The following RSRP1 variants were observed in gnomAD, a reference collection of about 807,000 sequenced individuals.
RSRP1 encodes arginine/serine-rich protein 1.
RSRP1 carries 37 observed loss-of-function variants against 33.0 expected under a neutral mutation model. That is an observed-to-expected ratio of 1.12 (90% CI 0.86 to 1.48). The LOEUF (loss-of-function observed/expected upper bound fraction) is 1.48, where lower values mean the gene tolerates loss of function less well. RSRP1 is among the 40% of genes most tolerant of loss of function. The probability of loss-of-function intolerance (pLI) is 0.00; values close to 1 mark genes in which losing one functional copy is unlikely to be tolerated. For missense variants in RSRP1, 402 were observed against 385.3 expected (o/e 1.04, Z -0.36); for synonymous variants, 167 against 158.7 (o/e 1.05, Z -0.40).
intron 1 of RSRP1, among the ~76,000 whole-genome samples, chr1:25,259,735 G>A (rs1414899761): frequency 2.0e-5 from 3 of 150,308 alleles, no homozygotes; most frequent in African/African-American, 4.9e-5. Context: ...GGATCTCTTG[G>A]CCTCATGATC....
At chr1:25,331,543 C>T (rs1274238159) in intron 1 of RSRP1, among the ~76,000 whole-genome samples, 1 of 121,442 alleles carries the variant, frequency 8.2e-6, no homozygotes, top group East Asian at 2.1e-4. Flanking sequence ...ATCACAAAGA[C>T]TTTGCTCTGA....
At chr1:25,242,866 A>T (rs1455910393) in intron 4 of RSRP1, among the ~76,000 whole-genome samples, 161 bp from the exon 5 acceptor site, 1 of 152,186 alleles carries the variant, frequency 6.6e-6, no homozygotes, top group Non-Finnish European at 1.5e-5. Context: ...GAAGGCTGAC[A>T]CGGGCGGATC....
intron 1 of RSRP1, 42 bp from the exon 2 acceptor site, chr1:25,247,071 C>T: frequency 8.1e-7 from 1 of 1,240,594 alleles, no homozygotes; most frequent in Non-Finnish European, 1.1e-6. Context: ...GTCGCGGAAG[C>T]CGGCGCCTGG....
At position 25,300,349 on chromosome 1, in the gene RSRP1, A is replaced by G. The variant is rs1643288506; in HGVS notation, c.-67+37629T>C. Among the ~76,000 whole-genome samples the G allele has an allele frequency of 2.3e-5, 3 of 130,232 alleles. No homozygotes were observed. The South Asian group carries it at 7.0e-4, about 31-fold the overall frequency. 85.4% of individuals were successfully genotyped at this position (130,232 alleles called of 152,430 possible). On this transcript the variant is annotated intron_variant, in intron 1 of 1. Transcript: ENST00000561867. ...CAACATAGCAAGATTCCATCTTTAC[A>G]CAAAATTTAAAAATTGGCCAGGCAT...
chr1:25,269,003 G>C (rs1640414037), intron 1 of RSRP1, among the ~76,000 whole-genome samples: 1 of 130,136 alleles, frequency 7.7e-6, no homozygotes, highest in Non-Finnish European at 1.8e-5. Context: ...GAAGGGGATG[G>C]TGGAGGATCC....
rs533248785 is a variant in RSRP1, at chr1:25,301,835, T to A, written c.-67+36143A>T. ...CCTGCCTCTACAGTGGAGCTCTAGGTAGAATGCTGGGTGGTCACAGTGGGC... is the reference window on the plus strand; with the variant it reads ...CCTGCCTCTACAGTGGAGCTCTAGGAAGAATGCTGGGTGGTCACAGTGGGC... On this transcript the variant is annotated intron_variant, in intron 1 of 1. Coordinates refer to the RSRP1 transcript ENST00000561867. The A allele has an allele frequency of 2.6e-3, 1,801 of 695,830 alleles. 216 individuals carry two copies. The highest frequency in any genetic ancestry group is 0.014 in the East Asian group (545 of 39,276). 43.1% of individuals were successfully genotyped at this position (695,830 alleles called of 1,614,324 possible). A position where few individuals can be genotyped will look rare whatever the true frequency, so the allele number is the denominator to read the frequency against.
rs984849459 is a variant in RSRP1, at chr1:25,242,722, T to G, written c.757-17A>C. Reference sequence around the variant, plus strand: ...TACAGAATTCTGTAAAAGAACAAATTCAGTCAGCTTCCCAAACATACATTG... The same window carrying G: ...TACAGAATTCTGTAAAAGAACAAATGCAGTCAGCTTCCCAAACATACATTG... On this transcript the variant is annotated splice_polypyrimidine_tract_variant and intron_variant, in intron 4 of 4. Transcript: ENST00000243189. 6.7e-7 allele frequency: 1 copy of G among 1,501,384 alleles called. No individual in the cohort carries two copies. The allele number at this position is 1,501,384 out of a possible 1,614,324, so 93.0% of individuals were successfully genotyped here.
intron 1 of RSRP1, among the ~76,000 whole-genome samples, chr1:25,255,351 A>G (rs1377160985): frequency 4.6e-5 from 7 of 152,174 alleles, no homozygotes; most frequent in Non-Finnish European, 7.3e-5. Context: ...TCAACAACCA[A>G]ATGATCACAG....
At position 25,301,272 on chromosome 1, in the gene RSRP1, T is replaced by G. The variant is rs561921450; in HGVS notation, c.-67+36706A>C. ...AATTCATACCTTTGAATTAAGCACT[T>G]CACAGAGCAGGTTCAGGAGGCCTGG... On this transcript the variant is annotated intron_variant, in intron 1 of 1. Coordinates refer to the RSRP1 transcript ENST00000561867. 7.7e-4 allele frequency among the ~76,000 whole-genome samples: 101 copies of G among 131,482 alleles called. 17 individuals are homozygous for G. Among genetic ancestry groups the G allele is most frequent in the African/African-American group, 2.5e-3 (97 of 38,224 alleles). 86.3% of individuals were successfully genotyped at this position (131,482 alleles called of 152,430 possible).
intron 1 of RSRP1, chr1:25,307,925 C>T: frequency 1.1e-6 from 1 of 898,402 alleles, no homozygotes; most frequent in Non-Finnish European, 1.7e-6. Flanking sequence ...CTGTGCAATT[C>T]TAAGCAGAAC....
chr1:25,244,072 A>T (rs201826212), intron 3 of RSRP1: 2 of 651,002 alleles, frequency 3.1e-6, no homozygotes, highest in Non-Finnish European at 3.9e-6. Context: ...TTTTTTTTTT[A>T]AGCCCCCGAG....
Position 25,283,489 on chromosome 1 carries a change from C to T in RSRP1, c.-66-36460G>A, listed in dbSNP as rs527342796. On this transcript the variant is annotated intron_variant, in intron 1 of 1. Coordinates refer to the RSRP1 transcript ENST00000561867. ...GAGGTTGCAGTGAGCCAAGATCTTG[C>T]CACTGTACTCCAGCCTGGGTGACGA... 3.8e-5 allele frequency among the ~76,000 whole-genome samples: 5 copies of T among 129,992 alleles called. No individual in the cohort carries two copies. In the East Asian group the frequency reaches 9.8e-4, roughly 25 times the overall value. The allele number at this position is 129,992 out of a possible 152,430, so 85.3% of individuals were successfully genotyped here.
rs368801134 is a variant in RSRP1 at position 25,262,062 on chromosome 1, A to G, written c.-66-15033T>C. ...ATTGCCAATTCCATTTCAATTAACT[A>G]TAATAGCTATGTCTATTGAGCACTC... is the stretch of plus-strand genomic sequence containing the variant. On this transcript the variant is annotated intron_variant, in intron 1 of 1. Transcript: ENST00000561867. Among the ~76,000 whole-genome samples, 25 of 152,318 alleles carry G rather than the reference A, an allele frequency of 1.6e-4. No individual in the cohort carries two copies. In the South Asian group the frequency reaches 2.7e-3, roughly 16 times the overall value.
Position 25,243,569 on chromosome 1 carries a change from C to A in RSRP1, c.737G>T (p.Ser246Ile), listed in dbSNP as rs1256063139. Reference sequence around the variant, plus strand: ...ACTTACATTAGAGCTAAAAGCTATGCTTCTTTGCTGGGTAGGTTTTTCATT... The same window carrying A: ...ACTTACATTAGAGCTAAAAGCTATGATTCTTTGCTGGGTAGGTTTTTCATT... ...NPNEKPTQQR[S>I]IAFSSNNSVA... is the part of the protein sequence containing the mutation. The change falls in exon 4 of 5, where the codon AGC becomes ATC. Residue 246 changes from serine to isoleucine, a missense_variant. Coordinates refer to ENST00000243189, the MANE Select transcript of RSRP1 (RefSeq NM_020317.5). The A allele has an allele frequency of 6.2e-7, 1 of 1,613,636 alleles. No homozygotes were observed.
At chr1:25,292,657 G>A (rs1448183442) in intron 1 of RSRP1, among the ~76,000 whole-genome samples, 1 of 129,546 alleles carries the variant, frequency 7.7e-6, no homozygotes, top group Non-Finnish European at 1.8e-5. Flanking sequence ...TTGGGGGAGG[G>A]GGGGTAGAGA....
Position 25,310,358 on chromosome 1 carries a change from C to A in RSRP1, c.-67+27620G>T, listed in dbSNP as rs1466771308. ...GAAGAGAAAGAGAAATCTGAGCTGG[C>A]ATGCTCTTGCCCTCTCACTGTGTGA... is the stretch of plus-strand genomic sequence containing the variant. On this transcript the variant is annotated intron_variant, in intron 1 of 1. Transcript: ENST00000561867. Among the ~76,000 whole-genome samples the A allele has an allele frequency of 8.3e-5, 11 of 133,138 alleles. 2 individuals are homozygous for A. The highest frequency in any genetic ancestry group is 1.8e-4 in the Non-Finnish European group (10 of 55,964). The allele number at this position is 133,138 out of a possible 152,430, so 87.3% of individuals were successfully genotyped here. A position where few individuals can be genotyped will look rare whatever the true frequency, so the allele number is the denominator to read the frequency against.
At chr1:25,254,726 G>T (rs1227499914) in intron 1 of RSRP1, among the ~76,000 whole-genome samples, 2 of 152,134 alleles carry the variant, frequency 1.3e-5, no homozygotes, top group African/African-American at 4.8e-5. Flanking sequence ...GAGCCACCAG[G>T]CCCAGCCGAA....
chr1:25,259,222 T>A (rs947125856), intron 1 of RSRP1, among the ~76,000 whole-genome samples: 1 of 151,988 alleles, frequency 6.6e-6, no homozygotes, highest in African/African-American at 2.4e-5. Context: ...GCCTCCGAAG[T>A]AGCTGGGAAT....
In RSRP1 at chr1:25,300,973, A is replaced by G. The variant is rs17421151; in HGVS notation, c.-67+37005T>C. 5 of 1,373,966 alleles carry G rather than the reference A, an allele frequency of 3.6e-6. No homozygotes were observed. The South Asian group carries it at 5.9e-5, about 16-fold the overall frequency. The allele number at this position is 1,373,966 out of a possible 1,614,324, so 85.1% of individuals were successfully genotyped here. A position where few individuals can be genotyped will look rare whatever the true frequency, so the allele number is the denominator to read the frequency against. The stretch of plus-strand genomic sequence containing the variant: ...AGACTACCACATGAACATGATGCAC[A>G]TCTACGTGTTCGCAGCCTATTTTGG... On this transcript the variant is annotated intron_variant, in intron 1 of 1. Coordinates refer to the RSRP1 transcript ENST00000561867.
Sources: allele counts gnomAD v4.1 joint callset (sites outside exome capture counted in the v4.1 genomes callset), GRCh38; gene constraint gnomAD v4.1.1; transcripts MANE v1.5; gene names NCBI Gene and HGNC (gene_info 2026-07-23, HGNC 2026-07-21).